Variants in EIF4G3 observed in about 807,000 individuals in gnomAD.
The protein encoded by EIF4G3 is eIF-4-gamma 3.
A neutral mutation model predicts 186.4 loss-of-function variants in EIF4G3; 34 were observed. That is an observed-to-expected ratio of 0.18 (90% CI 0.14 to 0.24). The LOEUF (loss-of-function observed/expected upper bound fraction) is 0.24. Ranked by LOEUF, EIF4G3 falls within the 10% of genes least tolerant of loss-of-function variation. The pLI is 1.00. For synonymous variants in EIF4G3, 673 were observed against 679.5 expected, an observed-to-expected ratio of 0.99 and a Z score of 0.15; for missense variants, 1,536 against 1,948.5, an observed-to-expected ratio of 0.79 and a Z score of 3.99.
At chr1:20,839,409 C>T (rs906509101) in intron 30 of EIF4G3, among the ~76,000 whole-genome samples, 1 of 152,152 alleles carries the variant, frequency 6.6e-6, no homozygotes, top group African/African-American at 2.4e-5. Context: ...CCACGCCTGG[C>T]AAGAAAACTT....
intron 2 of EIF4G3, among the ~76,000 whole-genome samples, chr1:21,136,912 G>A (rs540640420): frequency 6.6e-6 from 1 of 152,170 alleles, no homozygotes; most frequent in Non-Finnish European, 1.5e-5. Flanking sequence ...TGCTGTTACT[G>A]TAAGTGTAAA....
intron 2 of EIF4G3, among the ~76,000 whole-genome samples, chr1:21,143,238 G>A (rs570019179): frequency 6.6e-6 from 1 of 151,118 alleles, no homozygotes; most frequent in African/African-American, 2.4e-5. Context: ...GACAAAGTGA[G>A]AATTCGTCAA....
chr1:20,947,816 T>C (rs181223025), intron 13 of EIF4G3, among the ~76,000 whole-genome samples: 186 of 152,308 alleles, frequency 1.2e-3, no homozygotes, highest in African/African-American at 4.3e-3. Context: ...GTTAGATATG[T>C]TGATGTTGTT....
At chr1:20,986,581 T>C (rs1334066473) in intron 7 of EIF4G3, among the ~76,000 whole-genome samples, 1 of 151,050 alleles carries the variant, frequency 6.6e-6, no homozygotes, top group East Asian at 1.9e-4. Context: ...CCGTCTCCAC[T>C]AAAAAAATAC....
intron 9 of EIF4G3, 72 bp downstream of exon 9, chr1:20,980,976 G>A (rs1275789695): frequency 8.8e-6 from 11 of 1,255,682 alleles, no homozygotes; most frequent in Non-Finnish European, 1.2e-5. Context: ...CATCCACCCA[G>A]CTCCCTCTGA....
chr1:20,885,556 AAG>A (rs2083854464), intron 19 of EIF4G3, among the ~76,000 whole-genome samples: 1 of 152,198 alleles, frequency 6.6e-6, no homozygotes, highest in African/African-American at 2.4e-5. Context: ...TGTGAATTTT[AAG>A]AGACTCCAGT....
intron 24 of EIF4G3, among the ~76,000 whole-genome samples, chr1:20,858,173 G>A (rs558234069): frequency 2.0e-5 from 3 of 152,198 alleles, no homozygotes; most frequent in Non-Finnish European, 2.9e-5. Context: ...TACAAAATTC[G>A]TCACTTTTTT....
intron 4 of EIF4G3, among the ~76,000 whole-genome samples, chr1:21,047,147 G>C (rs1220146610): frequency 6.6e-6 from 1 of 152,080 alleles, no homozygotes; most frequent in South Asian, 2.1e-4. Flanking sequence ...CCTATGGTTT[G>C]ACTTCAAGCC....
Position 21,117,248 on chromosome 1 carries a change from C to T in EIF4G3, c.-271-28035G>A, listed in dbSNP as rs185105472. On this transcript the variant is annotated intron_variant, in intron 2 of 36. Coordinates refer to ENST00000602326, the MANE Select transcript of EIF4G3 (RefSeq NM_001391906.1). ...CTTTTCATCTTATCTAACATAAAAA[C>T]ATTAATATTTTCAAAATCACCTGGC... Among the ~76,000 whole-genome samples, 34 of 152,074 alleles carry T rather than the reference C, an allele frequency of 2.2e-4. 3 individuals carry two copies. The East Asian group carries it at 6.6e-3, about 29-fold the overall frequency.
rs2097198390 is a variant in EIF4G3 at position 21,134,037 on chromosome 1, A to C, written c.-272+42138T>G. On this transcript the variant is annotated intron_variant, in intron 2 of 36. Coordinates refer to ENST00000602326, the MANE Select transcript of EIF4G3 (RefSeq NM_001391906.1). ...GCCTAAATATAGTAAAGCAGACCCTATTTAATAAAATCTCACATTAGAATT... is the reference window on the plus strand; with the variant it reads ...GCCTAAATATAGTAAAGCAGACCCTCTTTAATAAAATCTCACATTAGAATT... Among the ~76,000 whole-genome samples the C allele has an allele frequency of 2.6e-5, 4 of 152,308 alleles. No individual in the cohort carries two copies. In the South Asian group the frequency reaches 8.3e-4, roughly 32 times the overall value.
intron 2 of EIF4G3, among the ~76,000 whole-genome samples, chr1:21,110,687 TC>T (rs2096709506): frequency 6.6e-6 from 1 of 152,054 alleles, no homozygotes; most frequent in Non-Finnish European, 1.5e-5. Flanking sequence ...CACCTCAGCC[TC>T]CCAAAGTGCT....
At chr1:21,087,470 C>G (rs948093940) in intron 3 of EIF4G3, among the ~76,000 whole-genome samples, 10 of 152,060 alleles carry the variant, frequency 6.6e-5, no homozygotes, top group Non-Finnish European at 1.5e-4. Context: ...ATTATTTTCC[C>G]TTCATTTATG....
intron 14 of EIF4G3, among the ~76,000 whole-genome samples, chr1:20,917,932 T>C (rs1459689655): frequency 1.4e-5 from 1 of 73,886 alleles, no homozygotes; most frequent in African/African-American, 3.7e-5. Flanking sequence ...TAAAATTATA[T>C]ATAGTTATTT....
chr1:20,925,618 C>T (rs1440338051), intron 14 of EIF4G3, among the ~76,000 whole-genome samples: 2 of 152,150 alleles, frequency 1.3e-5, no homozygotes, highest in Admixed American at 6.5e-5. Context: ...ACTGCAGCCT[C>T]GAACTCCTGG....
chr1:20,922,452 C>T (rs2094551439), intron 14 of EIF4G3, among the ~76,000 whole-genome samples: 1 of 152,152 alleles, frequency 6.6e-6, no homozygotes, highest in Admixed American at 6.5e-5. Context: ...CATGCACCAC[C>T]ACGCCCGGTT....
intron 2 of EIF4G3, among the ~76,000 whole-genome samples, chr1:21,115,628 A>G (rs1054172383): frequency 6.6e-6 from 1 of 152,018 alleles, no homozygotes; most frequent in Admixed American, 6.6e-5. Flanking sequence ...AATGAAGGGG[A>G]AAAAAAATGT....
chr1:21,040,164 G>A (rs1016993526), intron 4 of EIF4G3, among the ~76,000 whole-genome samples: 4 of 152,164 alleles, frequency 2.6e-5, no homozygotes, highest in Admixed American at 1.3e-4. Flanking sequence ...ACTTTCAGTC[G>A]GACCCCCAAC....
At chr1:20,945,095 C>T (rs1038021724) in intron 13 of EIF4G3, among the ~76,000 whole-genome samples, 2 of 151,476 alleles carry the variant, frequency 1.3e-5, no homozygotes, top group African/African-American at 4.9e-5. Flanking sequence ...AGCTTTAATA[C>T]AGAAAGCTGA....
intron 3 of EIF4G3, among the ~76,000 whole-genome samples, chr1:21,087,294 C>T (rs1178831397): frequency 1.3e-5 from 2 of 152,134 alleles, no homozygotes; most frequent in African/African-American, 4.8e-5. Context: ...AAATTTACTT[C>T]TAATATTATT....
Sources: gnomAD v4.1 joint callset for allele counts (sites outside exome capture counted in the v4.1 genomes callset) on GRCh38, gnomAD v4.1.1 for gene constraint, MANE v1.5 for transcripts, NCBI Gene and HGNC (gene_info 2026-07-23, HGNC 2026-07-21) for gene names.